KLF8: variants seen among roughly 807,000 people sequenced by gnomAD.
The protein encoded by KLF8 is Krueppel-like factor 8.
Under a neutral mutation model 18.2 loss-of-function variants are expected in KLF8, and 10 were observed. That is an observed-to-expected ratio of 0.55 (90% CI 0.34 to 0.93). The LOEUF is 0.93. Ranked by LOEUF, KLF8 falls within the 40% of genes least tolerant of loss-of-function variation. KLF8 has a pLI of 0.02. For missense variants in KLF8, 264 were observed against 277.9 expected, an observed-to-expected ratio of 0.95 and a Z score of 0.36; for synonymous variants, 109 against 97.3, an observed-to-expected ratio of 1.12 and a Z score of -0.71.
the KLF8 span, among the ~76,000 whole-genome samples, chrX:55,920,880 A>G: frequency 1.8e-5 from 2 of 112,251 alleles, no homozygotes; most frequent in African/African-American, 6.5e-5. Context: ...TTACTCGGCC[A>G]TGCTAGACAT....
chrX:55,943,128 G>T, the KLF8 span, among the ~76,000 whole-genome samples: 3 of 110,950 alleles, frequency 2.7e-5, no homozygotes, highest in Non-Finnish European at 3.8e-5. Context: ...TTAATTTTTG[G>T]CATGAGTGAC....
the KLF8 span, among the ~76,000 whole-genome samples, chrX:55,925,022 A>ATTT: frequency 1.2e-3 from 107 of 86,418 alleles, 1 homozygote; most frequent in Non-Finnish European, 1.8e-3. Context: ...CGCCCAGCTA[A>ATTT]TTTTTTTTTT....
chrX:56,051,705 T>A, the KLF8 span, among the ~76,000 whole-genome samples: 2 of 109,446 alleles, frequency 1.8e-5, no homozygotes, highest in Non-Finnish European at 3.8e-5. Context: ...CTTAACATTT[T>A]TTCCTTCATT....
the KLF8 span, among the ~76,000 whole-genome samples, chrX:55,937,869 C>G: frequency 9.0e-6 from 1 of 111,653 alleles, no homozygotes; most frequent in East Asian, 2.8e-4. Context: ...AAATATGGGA[C>G]TATGGGAAAA....
At chrX:56,028,302 A>AC in the KLF8 span, among the ~76,000 whole-genome samples, 23,133 of 110,921 alleles carry the variant, frequency 0.21, 4,919 homozygotes, top group African/African-American at 0.66. Context: ...TTTGGCTAGC[A>AC]CGCAAAGTTT....
At chrX:56,155,871 C>T in the KLF8 span, among the ~76,000 whole-genome samples, 1 of 111,368 alleles carries the variant, frequency 9.0e-6, no homozygotes, top group Non-Finnish European at 1.9e-5. Context: ...CGTGTGTGCT[C>T]AATACTTAGG....
the KLF8 span, among the ~76,000 whole-genome samples, chrX:56,017,795 T>C: frequency 8.9e-6 from 1 of 111,983 alleles, no homozygotes; most frequent in Non-Finnish European, 1.9e-5. Context: ...TGAAGAAAAA[T>C]TGCATTCATT....
the KLF8 span, among the ~76,000 whole-genome samples, chrX:56,152,425 C>A: frequency 9.0e-6 from 1 of 110,959 alleles, no homozygotes; most frequent in Non-Finnish European, 1.9e-5. Flanking sequence ...GTGGTTTTAC[C>A]AGAAGATAGT....
At chrX:56,076,054 C>T in the KLF8 span, among the ~76,000 whole-genome samples, 24 of 108,698 alleles carry the variant, frequency 2.2e-4, no homozygotes, top group Admixed American at 3.0e-4. Flanking sequence ...TGAGAATATG[C>T]AGTGTTTGGT....
At chrX:55,974,248 T>C in the KLF8 span, among the ~76,000 whole-genome samples, 9 of 111,321 alleles carry the variant, frequency 8.1e-5, no homozygotes, top group South Asian at 3.4e-3. Context: ...GCTCACTGCC[T>C]CATTGCACAT....
the KLF8 span, among the ~76,000 whole-genome samples, chrX:55,912,052 G>A: frequency 8.9e-6 from 1 of 111,815 alleles, no homozygotes; most frequent in Non-Finnish European, 1.9e-5. Context: ...TGCAGTAAAG[G>A]TTGAGAACCA....
chrX:56,055,758 AT>A, the KLF8 span, among the ~76,000 whole-genome samples: 1 of 111,111 alleles, frequency 9.0e-6, no homozygotes, highest in East Asian at 2.8e-4. Context: ...GGTTTTGTTG[AT>A]TTTTTTAATT....
the KLF8 span, among the ~76,000 whole-genome samples, chrX:55,981,143 A>G: frequency 1.8e-5 from 2 of 112,286 alleles, no homozygotes; most frequent in Non-Finnish European, 3.8e-5. Context: ...CAGTGAGCCG[A>G]GATTGCACCA....
chrX:56,210,592 G>A, the KLF8 span, among the ~76,000 whole-genome samples: 1 of 110,985 alleles, frequency 9.0e-6, no homozygotes, highest in South Asian at 3.8e-4. Flanking sequence ...TCTAGGTTTA[G>A]GAAGTTCTCT....
intron 3 of KLF8, chrX:56,268,512 A>G: frequency 8.0e-6 from 1 of 124,864 alleles, no homozygotes; most frequent in South Asian, 3.3e-4. Context: ...CTTAAGTGAG[A>G]TGACATACTA....
the KLF8 span, among the ~76,000 whole-genome samples, chrX:56,075,582 A>G: frequency 1.8e-5 from 2 of 111,609 alleles, no homozygotes; most frequent in African/African-American, 6.5e-5. Flanking sequence ...TACCCACTCC[A>G]TTGTGCTATC....
At chrX:56,280,983 T>G (rs1439768363) in intron 5 of KLF8, among the ~76,000 whole-genome samples, 1 of 111,895 alleles carries the variant, frequency 8.9e-6, no homozygotes, top group Non-Finnish European at 1.9e-5. Context: ...ATGTACAACT[T>G]TGACCAAGTC....
chrX:56,145,008 G>A, the KLF8 span, among the ~76,000 whole-genome samples: 37 of 109,236 alleles, frequency 3.4e-4, no homozygotes, highest in African/African-American at 1.2e-3. Flanking sequence ...GGCCAGGCTG[G>A]TCTTGAACTC....
chrX:56,111,919 T>G, the KLF8 span, among the ~76,000 whole-genome samples: 21 of 112,065 alleles, frequency 1.9e-4, no homozygotes, highest in Non-Finnish European at 3.4e-4. Context: ...TGGAAGACAG[T>G]ATGGCGATTC....
Sources: allele counts gnomAD v4.1 joint callset (sites outside exome capture counted in the v4.1 genomes callset), GRCh38; gene constraint gnomAD v4.1.1; transcripts MANE v1.5; gene names NCBI Gene and HGNC (gene_info 2026-07-23, HGNC 2026-07-21).